The following PCNX2 variants were observed in gnomAD, a reference collection of about 807,000 sequenced individuals.
The protein encoded by PCNX2 is pecanex 2.
PCNX2 carries 168 observed loss-of-function variants against 223.8 expected under a neutral mutation model. That is an observed-to-expected ratio of 0.75 (90% CI 0.66 to 0.85). The LOEUF is 0.85. Ranked by LOEUF, PCNX2 falls within the 40% of genes least tolerant of loss-of-function variation. The pLI is 0.00. For synonymous variants in PCNX2, 1,006 were observed against 1,052.6 expected (o/e 0.96, Z 0.86); for missense variants, 2,507 against 2,675.5 (o/e 0.94, Z 1.39).
chr1:233,223,843 G>T, intron 10 of PCNX2, among the ~76,000 whole-genome samples: 1 of 152,306 alleles, frequency 6.6e-6, no homozygotes, highest in African/African-American at 2.4e-5. Flanking sequence ...AAGCATGAAT[G>T]ATTTCCTCTT....
intron 25 of PCNX2, among the ~76,000 whole-genome samples, chr1:233,053,501 G>T (rs1050224433): frequency 6.6e-6 from 1 of 152,046 alleles, no homozygotes; most frequent in Non-Finnish European, 1.5e-5. Context: ...TTTACTTTAG[G>T]TGTCTCTCAC....
intron 24 of PCNX2, among the ~76,000 whole-genome samples, chr1:233,055,125 A>C (rs1672146435): frequency 1.3e-5 from 2 of 152,212 alleles, no homozygotes; most frequent in African/African-American, 4.8e-5. Context: ...ACCACTACCA[A>C]GAGTCATGAA....
At chr1:233,288,727 T>A (rs1661581190) in intron 1 of PCNX2, 1 of 583,878 alleles carries the variant, frequency 1.7e-6, no homozygotes, top group Non-Finnish European at 3.0e-6. Flanking sequence ...GACAACTGCA[T>A]GGGATGGCAT....
chr1:233,082,047 A>G (rs1472788624), intron 23 of PCNX2, among the ~76,000 whole-genome samples: 1 of 152,022 alleles, frequency 6.6e-6, no homozygotes, highest in Non-Finnish European at 1.5e-5. Flanking sequence ...AGGATATAAC[A>G]GGAAGCATGT....
chr1:233,127,359 T>C (rs1399025857), intron 21 of PCNX2, among the ~76,000 whole-genome samples: 7 of 152,122 alleles, frequency 4.6e-5, no homozygotes, highest in Admixed American at 4.6e-4. Context: ...CTCTCTTGCT[T>C]CTGTGCCTTT....
intron 24 of PCNX2, among the ~76,000 whole-genome samples, chr1:233,055,334 A>T (rs760926247): frequency 6.6e-5 from 10 of 152,128 alleles, no homozygotes; most frequent in Non-Finnish European, 1.5e-4. Context: ...AATTGGGTGG[A>T]TAATGACATC....
chr1:233,019,354 T>C (rs1317159672), intron 26 of PCNX2: 1 of 305,848 alleles, frequency 3.3e-6, no homozygotes, highest in Non-Finnish European at 4.8e-6. Context: ...TGTTCTCCCA[T>C]CCTCTGTAAC....
rs368250322 is a variant in PCNX2, at chr1:233,001,729, C to T, written c.4953-48G>A. 6 of 1,443,168 alleles carry T rather than the reference C, an allele frequency of 4.2e-6. No individual in the cohort carries two copies. In the African/African-American group the frequency reaches 8.5e-5, roughly 20 times the overall value. The allele number at this position is 1,443,168 out of a possible 1,614,324, so 89.4% of individuals were successfully genotyped here. ...TATGGAACAAATTTCAGAATCCTGT[C>T]ATTGTGAGCAAAGTTTGAGTCTCCC... On this transcript the variant is annotated intron_variant, in intron 28 of 33. Transcript: ENST00000258229. The surrounding 1 kb of genome is among the most constrained non-coding windows in gnomAD (Gnocchi z 4.2).
intron 24 of PCNX2, among the ~76,000 whole-genome samples, chr1:233,055,311 C>A (rs1236782401): frequency 1.3e-5 from 2 of 152,080 alleles, no homozygotes; most frequent in East Asian, 3.9e-4. Context: ...GTTTGTTTAA[C>A]TTTGGCCATT....
chr1:233,087,865 A>G (rs1172034090), intron 23 of PCNX2, among the ~76,000 whole-genome samples: 1 of 152,192 alleles, frequency 6.6e-6, no homozygotes, highest in Non-Finnish European at 1.5e-5. Context: ...CAGACCCTGA[A>G]GCCCTCTTCC....
At chr1:233,256,423 T>C (rs1373337983) in intron 5 of PCNX2, among the ~76,000 whole-genome samples, 3 of 152,198 alleles carry the variant, frequency 2.0e-5, no homozygotes, top group African/African-American at 4.8e-5. Flanking sequence ...TGAACCAAAA[T>C]CTGGCCTTGG....
At chr1:233,193,432 A>G (rs1680532886) in intron 15 of PCNX2, among the ~76,000 whole-genome samples, 1 of 152,208 alleles carries the variant, frequency 6.6e-6, no homozygotes. Context: ...AGAAAACTTA[A>G]GAGAACCACG....
At chr1:233,055,047 A>G (rs1286684071) in intron 24 of PCNX2, among the ~76,000 whole-genome samples, 1 of 152,200 alleles carries the variant, frequency 6.6e-6, no homozygotes, top group Non-Finnish European at 1.5e-5. Flanking sequence ...CATGTGCTAC[A>G]GTTTGTTTAT....
intron 20 of PCNX2, among the ~76,000 whole-genome samples, chr1:233,136,269 C>T (rs1419376347): frequency 1.3e-5 from 2 of 152,172 alleles, no homozygotes; most frequent in Admixed American, 6.5e-5. Flanking sequence ...TTCCCTGGCT[C>T]AGTATAGAAA....
intron 26 of PCNX2, among the ~76,000 whole-genome samples, chr1:233,023,867 A>C (rs1413292445): frequency 6.6e-6 from 1 of 152,158 alleles, no homozygotes; most frequent in Non-Finnish European, 1.5e-5. Context: ...GAGATCTAAG[A>C]GCTATTTATC....
At chr1:233,209,277 G>A (rs1415798426) in intron 12 of PCNX2, among the ~76,000 whole-genome samples, 2 of 152,142 alleles carry the variant, frequency 1.3e-5, no homozygotes, top group African/African-American at 4.8e-5. Flanking sequence ...TTTCCTGTGA[G>A]GGATACCAAA....
At chr1:233,106,438 T>C (rs144802321) in intron 21 of PCNX2, among the ~76,000 whole-genome samples, 18 of 149,278 alleles carry the variant, frequency 1.2e-4, no homozygotes, top group Non-Finnish European at 2.7e-4. Flanking sequence ...CTGCAACCTC[T>C]GCCTCCCACG....
At chr1:233,008,610 A>C (rs996826798) in intron 28 of PCNX2, among the ~76,000 whole-genome samples, 5 of 152,178 alleles carry the variant, frequency 3.3e-5, no homozygotes, top group African/African-American at 1.2e-4. Flanking sequence ...GGACAATTCC[A>C]AATACACCCC....
the PCNX2 span, among the ~76,000 whole-genome samples, chr1:233,300,794 T>G: frequency 1.3e-5 from 2 of 152,112 alleles, no homozygotes; most frequent in African/African-American, 4.8e-5. Context: ...AGTAGCTGAC[T>G]AAAGTATCCA....
Sources: gnomAD v4.1 joint callset for allele counts (sites outside exome capture counted in the v4.1 genomes callset) on GRCh38, gnomAD v4.1.1 for gene constraint, Gnocchi (gnomAD v3.1) non-coding constraint, MANE v1.5 for transcripts, NCBI Gene and HGNC (gene_info 2026-07-23, HGNC 2026-07-21) for gene names.